The following ROBO2 variants were observed in gnomAD, a reference collection of about 807,000 sequenced individuals.
ROBO2 encodes roundabout homolog 2.
Under a neutral mutation model 160.8 loss-of-function variants are expected in ROBO2, and 53 were observed. The observed-to-expected ratio is 0.33, with a 90% CI of 0.26 to 0.41. ROBO2 has a LOEUF of 0.41. Among genes scored for constraint, ROBO2 ranks in the 10% least tolerant of loss-of-function variants. The probability of loss-of-function intolerance (pLI) is 1.00; values close to 1 mark genes in which losing one functional copy is unlikely to be tolerated. For synonymous variants in ROBO2, 664 were observed against 611.7 expected (o/e 1.09, Z -1.26); for missense variants, 1,577 against 1,722.4 (o/e 0.92, Z 1.49).
At chr3:77,497,333 A>G (rs2086926600) in intron 5 of ROBO2, among the ~76,000 whole-genome samples, 1 of 152,150 alleles carries the variant, frequency 6.6e-6, no homozygotes, top group South Asian at 2.1e-4. Context: ...AGCAAGTGAA[A>G]GGCATTTTAT....
chr3:76,134,191 T>G (rs923651749), intron 2 of ROBO2, among the ~76,000 whole-genome samples: 1 of 152,162 alleles, frequency 6.6e-6, no homozygotes, highest in Non-Finnish European at 1.5e-5. Context: ...TGATGTAACT[T>G]AATTAAATTA....
rs1230300544 is a variant in ROBO2 at position 77,031,388 on chromosome 3, T to A, written c.110-66626T>A. ...CTTTTTTCATATAAAAAACTTCCTT[T>A]TTTATATATAATTACATGTATATAC... is the stretch of plus-strand genomic sequence containing the variant. On this transcript the variant is annotated intron_variant, in intron 2 of 26. Transcript: ENST00000487694. 8.0e-5 allele frequency among the ~76,000 whole-genome samples: 12 copies of A among 150,234 alleles called. No individual in the cohort carries two copies. The South Asian group carries it at 8.3e-4, about 10-fold the overall frequency.
intron 2 of ROBO2, among the ~76,000 whole-genome samples, chr3:76,793,871 T>C (rs2063521839): frequency 6.6e-6 from 1 of 151,954 alleles, no homozygotes. Context: ...GTTCTAATTC[T>C]GTCCAGAGAT....
At chr3:77,188,968 T>TGAGAGA (rs1553828869) in intron 2 of ROBO2, among the ~76,000 whole-genome samples, 8 of 142,292 alleles carry the variant, frequency 5.6e-5, no homozygotes, top group African/African-American at 2.1e-4. Flanking sequence ...TGTGTGTGTG[T>TGAGAGA]GAGAGAGAGA....
At chr3:76,224,465 A>G (rs959028) in intron 2 of ROBO2, among the ~76,000 whole-genome samples, 147,517 of 152,246 alleles carry the variant, frequency 0.97, 71,601 homozygotes, top group Non-Finnish European at 1. Flanking sequence ...TTTCTCCACA[A>G]TTATGTTCTC....
intron 2 of ROBO2, among the ~76,000 whole-genome samples, chr3:76,657,678 A>ACATATATATGTGTATATATATT (rs2091614645): frequency 2.3e-5 from 1 of 43,516 alleles, no homozygotes; most frequent in Non-Finnish European, 4.2e-5. Context: ...GTATATATAT[A>ACATATATATGTGTATATATATT]CATATATGTG....
At chr3:76,125,669 A>T (rs2070946440) in intron 2 of ROBO2, among the ~76,000 whole-genome samples, 1 of 152,060 alleles carries the variant, frequency 6.6e-6, no homozygotes, top group African/African-American at 2.4e-5. Context: ...CAAACACAGA[A>T]ACATTTTAAA....
chr3:76,594,697 A>G (rs1328543724), intron 2 of ROBO2, among the ~76,000 whole-genome samples: 1 of 152,020 alleles, frequency 6.6e-6, no homozygotes, highest in Non-Finnish European at 1.5e-5. Context: ...ATTTGGAGCT[A>G]AATAAGTGAG....
chr3:77,335,764 T>C (rs2066433033), intron 2 of ROBO2, among the ~76,000 whole-genome samples: 1 of 152,216 alleles, frequency 6.6e-6, no homozygotes, highest in Non-Finnish European at 1.5e-5. Context: ...TAGTGATTTA[T>C]GGAATGGCAA....
chr3:76,688,947 A>G (rs568562733), intron 2 of ROBO2, among the ~76,000 whole-genome samples: 2 of 152,080 alleles, frequency 1.3e-5, no homozygotes, highest in Non-Finnish European at 2.9e-5. Flanking sequence ...CATAGGCATA[A>G]AGAAATAATG....
chr3:76,666,178 C>T (rs2092039682), intron 2 of ROBO2, among the ~76,000 whole-genome samples: 1 of 151,350 alleles, frequency 6.6e-6, no homozygotes, highest in Non-Finnish European at 1.5e-5. Flanking sequence ...ACGATTGTTA[C>T]TCTACAAATC....
At chr3:76,313,613 C>G (rs1276649737) in intron 2 of ROBO2, among the ~76,000 whole-genome samples, 2 of 152,160 alleles carry the variant, frequency 1.3e-5, no homozygotes, top group Non-Finnish European at 2.9e-5. Context: ...TTACTTTACT[C>G]TTTTTTGGTT....
chr3:76,653,908 C>T (rs2091368249), intron 2 of ROBO2, among the ~76,000 whole-genome samples: 1 of 152,078 alleles, frequency 6.6e-6, no homozygotes. Flanking sequence ...TCATCTGGAT[C>T]TCCTCTTACC....
chr3:76,995,030 A>C (rs897390720), intron 2 of ROBO2, among the ~76,000 whole-genome samples: 1 of 151,976 alleles, frequency 6.6e-6, no homozygotes, highest in East Asian at 1.9e-4. Context: ...TACATGTCCC[A>C]TGCTGGTTTG....
intron 2 of ROBO2, among the ~76,000 whole-genome samples, chr3:76,135,772 C>T (rs1265429985): frequency 1.3e-5 from 2 of 152,104 alleles, no homozygotes; most frequent in African/African-American, 4.8e-5. Flanking sequence ...ATGCGCAATT[C>T]CCATTTTGTA....
At chr3:77,329,843 G>A (rs1449914947) in intron 2 of ROBO2, among the ~76,000 whole-genome samples, 1 of 152,158 alleles carries the variant, frequency 6.6e-6, no homozygotes, top group Non-Finnish European at 1.5e-5. Flanking sequence ...CACAATGACA[G>A]AAACAATGGT....
intron 2 of ROBO2, among the ~76,000 whole-genome samples, chr3:77,033,760 C>G (rs548334099): frequency 6.6e-6 from 1 of 152,024 alleles, no homozygotes; most frequent in Non-Finnish European, 1.5e-5. Flanking sequence ...GAAAATTTTT[C>G]ACATTGCTAA....
rs34331921 is a variant in ROBO2 at position 77,324,787 on chromosome 3, G to GAA, written c.389-152611_389-152610dup. On this transcript the variant is annotated intron_variant, in intron 2 of 25. Coordinates refer to ENST00000461745, the Ensembl canonical transcript of ROBO2. ...ACAGAGAGAGACTCCGTCTCAAAAAGAAAAAAAAAAAAAAAAAGCTACCAT... is the reference window on the plus strand; with the variant it reads ...ACAGAGAGAGACTCCGTCTCAAAAAGAAAAAAAAAAAAAAAAAAAGCTACCAT... Among the ~76,000 whole-genome samples the GAA allele has an allele frequency of 8.3e-3, 803 of 96,718 alleles. 6 individuals carry two copies. Among genetic ancestry groups the GAA allele is most frequent in the Middle Eastern group, 0.027 (5 of 188 alleles). 63.5% of individuals were successfully genotyped at this position (96,718 alleles called of 152,430 possible). A position where few individuals can be genotyped will look rare whatever the true frequency, so the allele number is the denominator to read the frequency against.
At chr3:75,961,003 A>T (rs1435382125) in intron 2 of ROBO2, among the ~76,000 whole-genome samples, 22 of 151,760 alleles carry the variant, frequency 1.4e-4, no homozygotes, top group Non-Finnish European at 4.4e-5. Context: ...AGATTTTGTT[A>T]ATTTGAGGTG....
Sources: gnomAD v4.1 joint callset for allele counts (sites outside exome capture counted in the v4.1 genomes callset) on GRCh38, gnomAD v4.1.1 for gene constraint, MANE v1.5 for transcripts, NCBI Gene and HGNC (gene_info 2026-07-23, HGNC 2026-07-21) for gene names.